The following SCNN1G variants were observed in gnomAD, a reference collection of about 807,000 sequenced individuals.
SCNN1G encodes the protein sodium channel epithelial 1 subunit gamma, also known as epithelial sodium channel subunit gamma.
A neutral mutation model predicts 64.6 loss-of-function variants in SCNN1G; 27 were observed. The observed-to-expected ratio is 0.42, with a 90% CI of 0.31 to 0.58. The LOEUF (loss-of-function observed/expected upper bound fraction) is 0.58. Ranked by LOEUF, SCNN1G falls within the 20% of genes least tolerant of loss-of-function variation. SCNN1G has a pLI of 0.18. For missense variants in SCNN1G, 743 were observed against 823.4 expected (o/e 0.90, Z 1.19); for synonymous variants, 330 against 314.2 (o/e 1.05, Z -0.53).
chr16:23,206,578 G>A (rs1334975865), intron 6 of SCNN1G, among the ~76,000 whole-genome samples: 1 of 152,132 alleles, frequency 6.6e-6, no homozygotes, highest in Non-Finnish European at 1.5e-5. Context: ...TTGCACCATT[G>A]CACTCCAGCC....
chr16:23,212,299 T>A, intron 8 of SCNN1G, 148 bp downstream of exon 8: 2 of 709,202 alleles, frequency 2.8e-6, no homozygotes, highest in Non-Finnish European at 5.1e-6. Flanking sequence ...TTACTTCTGT[T>A]GTCAAGCCTG....
chr16:23,203,522 G>A (rs1238266012), intron 6 of SCNN1G, among the ~76,000 whole-genome samples: 1 of 152,090 alleles, frequency 6.6e-6, no homozygotes. Context: ...TGTAATCCCA[G>A]CACTTTGGGA....
At position 23,192,449 on chromosome 16, in the gene SCNN1G, C is replaced by T. The variant is rs1173152145; in HGVS notation, c.716C>T (p.Ala239Val). ...WYKLHYMNIM[A>V]QVPLEKKINM... ...AAGCTACACTACATGAACATCATGGCACAGGTGCCTCTGGAGAAGAAAATC... is the reference window on the plus strand; with the variant it reads ...AAGCTACACTACATGAACATCATGGTACAGGTGCCTCTGGAGAAGAAAATC... Residue 239 changes from alanine to valine, a missense_variant, in exon 4 of 13, where the codon GCA (alanine) becomes GTA (valine). Physicochemically the swap from Ala to Val is moderately conservative, Grantham distance 64 (BLOSUM62 0). Coordinates refer to ENST00000300061, the MANE Select transcript of SCNN1G (RefSeq NM_001039.4). The T allele has an allele frequency of 1.9e-6, 3 of 1,613,914 alleles. No individual in the cohort carries two copies. Among genetic ancestry groups the T allele is most frequent in the Non-Finnish European group, 2.5e-6 (3 of 1,179,912 alleles).
rs763512180 is a variant in SCNN1G at position 23,209,808 on chromosome 16, T to C, written c.1136T>C (p.Val379Ala). 13 of 1,613,968 alleles carry C rather than the reference T, an allele frequency of 8.1e-6. No homozygotes were observed. The highest frequency in any genetic ancestry group is 1.1e-5 in the Non-Finnish European group (13 of 1,179,986). The part of the protein sequence containing the change: ...YSQCTEDGSD[V>A]PIRNIYNAAY... ...CAGTGCACGGAGGACGGGAGTGACG[T>C]GCCAATCAGGAACATCTACAACGCT... The change falls in exon 7 of 13, where the codon GTG becomes GCG. Residue 379 changes from valine (V) to alanine (A), a missense_variant. Coordinates refer to ENST00000300061, the MANE Select transcript of SCNN1G (RefSeq NM_001039.4).
In SCNN1G at chr16:23,209,734, G is replaced by C; in HGVS notation, c.1078-16G>C. ...GGGGGGAGGACAGGGCTGAGTGTGT[G>C]CTGCTGTGATTGCAGACAGAGTCCT... On this transcript the variant is annotated splice_polypyrimidine_tract_variant and intron_variant, in intron 6 of 12. Coordinates refer to ENST00000300061, the MANE Select transcript of SCNN1G (RefSeq NM_001039.4). 1 of 1,598,576 alleles carries C rather than the reference G, an allele frequency of 6.3e-7. No homozygotes were observed. The highest frequency in any genetic ancestry group is 8.6e-7 in the Non-Finnish European group (1 of 1,165,770).
chr16:23,215,446 A>G lies in SCNN1G; in HGVS notation c.1927A>G (p.Thr643Ala). The change falls in exon 13 of 13, where the codon ACC (threonine) becomes GCC (alanine). Residue 643 changes from threonine (T) to alanine (A), a missense_variant. Thr to Ala is a moderately conservative substitution (Grantham distance 58). Transcript: ENST00000300061. ...ERAFSNQLTD[T>A]QMLDEL ...GGCCTTTTCCAACCAGCTCACAGAT[A>G]CCCAGATGCTGGATGAGCTCTGAGG... 1 of 1,611,988 alleles carries G rather than the reference A, an allele frequency of 6.2e-7. No individual in the cohort carries two copies. Among genetic ancestry groups the G allele is most frequent in the Non-Finnish European group, 8.5e-7 (1 of 1,180,028 alleles).
At chr16:23,198,337 A>G (rs1959830889) in intron 6 of SCNN1G, among the ~76,000 whole-genome samples, 1 of 152,006 alleles carries the variant, frequency 6.6e-6, no homozygotes, top group African/African-American at 2.4e-5. Flanking sequence ...GGCCTTGGTC[A>G]CTCCACTGCT....
intron 6 of SCNN1G, among the ~76,000 whole-genome samples, chr16:23,205,910 G>C (rs143829774): frequency 5.2e-4 from 79 of 152,272 alleles, no homozygotes; most frequent in African/African-American, 1.7e-3. Context: ...ACTTTAGCCT[G>C]TTGACTGGGG....
At chr16:23,195,059 T>A (rs1261215716) in intron 5 of SCNN1G, 1 of 152,300 alleles carries the variant, frequency 6.6e-6, no homozygotes, top group South Asian at 2.1e-4. Flanking sequence ...GTGATGTCTC[T>A]TCCTCTTCTG....
intron 3 of SCNN1G, among the ~76,000 whole-genome samples, chr16:23,190,770 T>C (rs1196184975): frequency 6.6e-6 from 1 of 151,116 alleles, no homozygotes; most frequent in Non-Finnish European, 1.5e-5. Flanking sequence ...ATTCGTGCAG[T>C]ACTTGCCTTC....
intron 6 of SCNN1G, among the ~76,000 whole-genome samples, chr16:23,205,148 A>G (rs1451161191): frequency 6.6e-6 from 1 of 152,196 alleles, no homozygotes; most frequent in Non-Finnish European, 1.5e-5. Flanking sequence ...TCAAATAGCC[A>G]CTAGGTAGCA....
At position 23,214,757 on chromosome 16, in the gene SCNN1G, G is replaced by A; in HGVS notation, c.1539G>A (p.Gln513=). The A allele has an allele frequency of 1.2e-6, 2 of 1,614,174 alleles. No individual in the cohort carries two copies. Among genetic ancestry groups the A allele is most frequent in the Non-Finnish European group, 1.7e-6 (2 of 1,180,000 alleles). ...TGATATTCTACAAAGACCTGAACCA[G>A]AGATCCATCATGGAGAGCCCAGCCA... ...KLLIFYKDLN[Q]RSIMESPANS... Residue 513 remains glutamine (Q), a synonymous_variant, in exon 12 of 13, where the codon CAG becomes CAA. Transcript: ENST00000300061.
Position 23,214,734 on chromosome 16 carries a change from A to C in SCNN1G, c.1516A>C (p.Ile506Leu), listed in dbSNP as rs1567269935. The C allele has an allele frequency of 6.2e-7, 1 of 1,614,102 alleles. No individual in the cohort carries two copies. The highest frequency in any genetic ancestry group is 2.2e-5 in the East Asian group (1 of 44,880). Residue 506 changes from isoleucine (I) to leucine (L), a missense_variant, in exon 12 of 13, where the codon ATA becomes CTA. Coordinates refer to ENST00000300061, the MANE Select transcript of SCNN1G (RefSeq NM_001039.4). Reference protein sequence around the residue: ...LNKTDLAKLLIFYKDLNQRSI... With the variant: ...LNKTDLAKLLLFYKDLNQRSI... ...CAGGACAGACTTGGCCAAACTCTTG[A>C]TATTCTACAAAGACCTGAACCAGAG...
chr16:23,208,951 C>G (rs887061019), intron 6 of SCNN1G, among the ~76,000 whole-genome samples: 3 of 152,146 alleles, frequency 2.0e-5, no homozygotes, highest in Admixed American at 1.3e-4. Flanking sequence ...GATTTGCCAA[C>G]TGCAAATTCA....
At chr16:23,212,358 A>G (rs1960093641) in intron 8 of SCNN1G, among the ~76,000 whole-genome samples, 3 of 152,252 alleles carry the variant, frequency 2.0e-5, no homozygotes, top group Non-Finnish European at 2.9e-5. Flanking sequence ...TCCAGGAGGT[A>G]GGAACGGTGG....
chr16:23,190,420 G>A (rs1251643979), intron 3 of SCNN1G, among the ~76,000 whole-genome samples: 1 of 152,158 alleles, frequency 6.6e-6, no homozygotes, highest in Admixed American at 6.5e-5. Context: ...GTAACTCATG[G>A]AGGCCTCTCA....
Position 23,215,968 on chromosome 16 carries a change from A to G in SCNN1G, c.*499A>G. On this transcript the variant is annotated 3_prime_UTR_variant, in exon 13 of 13. Transcript: ENST00000300061. ...GCCCTGAAGCTGGAGCCGTTTGTGA[A>G]TAAACTGTTCTTCATCATTGACACT... is the stretch of plus-strand genomic sequence containing the variant. 1 of 214,960 alleles carries G rather than the reference A, an allele frequency of 4.7e-6. No homozygotes were observed. Among genetic ancestry groups the G allele is most frequent in the South Asian group, 7.8e-5 (1 of 12,776 alleles). The allele number at this position is 214,960 out of a possible 1,614,324, so 13.3% of individuals were successfully genotyped here.
At chr16:23,212,491 C>G (rs938253367) in intron 8 of SCNN1G, among the ~76,000 whole-genome samples, 187 bp from the exon 9 acceptor site, 1 of 144,606 alleles carries the variant, frequency 6.9e-6, no homozygotes, top group African/African-American at 2.4e-5. Context: ...CTTCAACTCA[C>G]ATCCTCAACC....
intron 6 of SCNN1G, among the ~76,000 whole-genome samples, chr16:23,203,476 A>C (rs1959925042): frequency 6.6e-6 from 1 of 152,180 alleles, no homozygotes; most frequent in South Asian, 2.1e-4. Flanking sequence ...AACAGGGATT[A>C]AGCGCTCTGA....
Sources: allele counts gnomAD v4.1 joint callset (sites outside exome capture counted in the v4.1 genomes callset), GRCh38; gene constraint gnomAD v4.1.1; transcripts MANE v1.5; gene names NCBI Gene and HGNC (gene_info 2026-07-23, HGNC 2026-07-21).